BABAM2: variants seen among roughly 807,000 people sequenced by gnomAD.
The protein encoded by BABAM2 is BRISC and BRCA1-A complex member 2.
Under a neutral mutation model 54.7 loss-of-function variants are expected in BABAM2, and 31 were observed. The observed-to-expected ratio is 0.57, with a 90% CI of 0.43 to 0.77. BABAM2 has a LOEUF of 0.77. Ranked by LOEUF, BABAM2 falls within the 30% of genes least tolerant of loss-of-function variation. The probability of loss-of-function intolerance (pLI) is 0.00; values close to 1 mark genes in which losing one functional copy is unlikely to be tolerated. For missense variants in BABAM2, 364 were observed against 455.8 expected (o/e 0.80, Z 1.83); for synonymous variants, 167 against 162.9 (o/e 1.03, Z -0.19).
intron 6 of BABAM2, among the ~76,000 whole-genome samples, chr2:28,087,357 A>G (rs1269288717): frequency 1.3e-5 from 2 of 152,188 alleles, no homozygotes; most frequent in Non-Finnish European, 2.9e-5. Context: ...CTAAGGCAAC[A>G]GAACAAACAG....
chr2:27,936,679 T>G (rs1668507866), intron 3 of BABAM2, among the ~76,000 whole-genome samples: 1 of 152,076 alleles, frequency 6.6e-6, no homozygotes, highest in Admixed American at 6.6e-5. Context: ...ATCATCATTC[T>G]CAGTAAACTA....
chr2:28,246,533 C>T (rs989196129), intron 10 of BABAM2, among the ~76,000 whole-genome samples: 5 of 152,130 alleles, frequency 3.3e-5, no homozygotes, highest in Admixed American at 1.3e-4. Flanking sequence ...ATGGTGGTGA[C>T]GGCCTCGTGC....
chr2:28,084,171 C>T (rs1456166889), intron 6 of BABAM2, among the ~76,000 whole-genome samples: 1 of 152,100 alleles, frequency 6.6e-6, no homozygotes, highest in African/African-American at 2.4e-5. Flanking sequence ...GATTTTTATA[C>T]TTGTACTAAG....
At chr2:28,066,705 G>T (rs1164102880) in intron 6 of BABAM2, among the ~76,000 whole-genome samples, 1 of 152,162 alleles carries the variant, frequency 6.6e-6, no homozygotes, top group East Asian at 1.9e-4. Context: ...TTCTCCAAAG[G>T]CTGCTTGAGT....
At chr2:28,056,088 GGTGGTGGTGA>G (rs879373468) in intron 6 of BABAM2, among the ~76,000 whole-genome samples, 21 of 152,134 alleles carry the variant, frequency 1.4e-4, no homozygotes, top group Admixed American at 5.9e-4. Flanking sequence ...ATGGGTTGGG[GGTGGTGGTGA>G]GTGGTGAATG....
intron 7 of BABAM2, among the ~76,000 whole-genome samples, chr2:28,226,894 TGAGA>T (rs1356918594): frequency 4.6e-5 from 7 of 151,508 alleles, no homozygotes; most frequent in Non-Finnish European, 8.8e-5. Flanking sequence ...CTATGGGGTG[TGAGA>T]GAAAGGAGTC....
rs80092782 is a variant in BABAM2 at position 28,311,653 on chromosome 2, C to G, written c.1088+13162C>G. 7.1e-3 allele frequency among the ~76,000 whole-genome samples: 1,084 copies of G among 152,312 alleles called. 9 individuals carry two copies. Among genetic ancestry groups the G allele is most frequent in the African/African-American group, 0.025 (1,027 of 41,580 alleles). On this transcript the variant is annotated intron_variant, in intron 11 of 11. Coordinates refer to ENST00000379624, the MANE Select transcript of BABAM2 (RefSeq NM_199191.3). ...ATCATGGAAAAGACACGTCACCTTT[C>G]TGGACTTCAGTACCTTCCTCTGAAA... is the stretch of plus-strand genomic sequence containing the variant.
At chr2:28,281,667 G>A (rs941959747) in intron 10 of BABAM2, among the ~76,000 whole-genome samples, 2 of 152,210 alleles carry the variant, frequency 1.3e-5, no homozygotes, top group African/African-American at 4.8e-5. Context: ...TCTCCAGTTA[G>A]TACCAGAACA....
chr2:28,025,616 G>A (rs1302941979), intron 5 of BABAM2, 196 bp downstream of exon 5: 1 of 518,022 alleles, frequency 1.9e-6, no homozygotes, highest in African/African-American at 2.0e-5. Flanking sequence ...TATTACCTGG[G>A]AAGTTTGTAA....
intron 11 of BABAM2, among the ~76,000 whole-genome samples, chr2:28,337,890 G>C (rs1339069244): frequency 6.6e-6 from 1 of 152,222 alleles, no homozygotes; most frequent in African/African-American, 2.4e-5. Flanking sequence ...GGGTGGCTGA[G>C]GCAGTAGGAT....
At chr2:27,918,660 A>T (rs1466388597) in intron 2 of BABAM2, among the ~76,000 whole-genome samples, 1 of 152,130 alleles carries the variant, frequency 6.6e-6, no homozygotes, top group African/African-American at 2.4e-5. Context: ...TCTGCCTTTC[A>T]GATTGCAGAT....
At chr2:27,980,339 G>T (rs1419565547) in intron 3 of BABAM2, among the ~76,000 whole-genome samples, 1 of 152,108 alleles carries the variant, frequency 6.6e-6, no homozygotes, top group East Asian at 1.9e-4. Context: ...TGATGTTATT[G>T]CTCTTCTATA....
intron 6 of BABAM2, among the ~76,000 whole-genome samples, chr2:28,080,394 G>A (rs1055239932): frequency 6.6e-6 from 1 of 152,160 alleles, no homozygotes; most frequent in African/African-American, 2.4e-5. Flanking sequence ...TCAGAGCATT[G>A]AAAAGAGAAG....
In BABAM2 at chr2:27,934,062, A is replaced by G. The variant is rs368606026; in HGVS notation, c.205+4154A>G. Among the ~76,000 whole-genome samples, 18 of 147,162 alleles carry G rather than the reference A, an allele frequency of 1.2e-4. 1 individual carries two copies. Among genetic ancestry groups the G allele is most frequent in the African/African-American group, 4.5e-4 (18 of 40,230 alleles). ...CTCATTTTATTGTGCTTCAACAAGG[A>G]TTTTTTTTTTTCTTTGAAATTGATT... On this transcript the variant is annotated intron_variant, in intron 3 of 11. Coordinates refer to ENST00000379624, the MANE Select transcript of BABAM2 (RefSeq NM_199191.3).
chr2:28,165,895 T>G (rs1215748764), intron 7 of BABAM2, among the ~76,000 whole-genome samples: 1 of 152,146 alleles, frequency 6.6e-6, no homozygotes, highest in Non-Finnish European at 1.5e-5. Flanking sequence ...TGCTCAAAAT[T>G]CATATGTTGA....
chr2:27,901,718 C>G (rs1037228834), intron 2 of BABAM2, among the ~76,000 whole-genome samples: 6 of 152,126 alleles, frequency 3.9e-5, no homozygotes, highest in Admixed American at 2.6e-4. Context: ...ATGGCCATAC[C>G]ACCTTGATTG....
intron 10 of BABAM2, among the ~76,000 whole-genome samples, chr2:28,251,189 G>C (rs1683448193): frequency 6.6e-6 from 1 of 151,390 alleles, no homozygotes; most frequent in Non-Finnish European, 1.5e-5. Context: ...GTTTTCAGTT[G>C]ACATTAAGTA....
chr2:28,045,139 G>A (rs1439587475), intron 5 of BABAM2, among the ~76,000 whole-genome samples: 1 of 152,100 alleles, frequency 6.6e-6, no homozygotes, highest in Non-Finnish European at 1.5e-5. Context: ...CCAAACCTCC[G>A]TACCTCTTTC....
intron 7 of BABAM2, among the ~76,000 whole-genome samples, chr2:28,166,355 A>G (rs541150318): frequency 2.0e-5 from 3 of 152,308 alleles, no homozygotes; most frequent in South Asian, 2.1e-4. Context: ...CTAGGTCATG[A>G]TAATAAGGTT....
Sources: gnomAD v4.1 joint callset for allele counts (sites outside exome capture counted in the v4.1 genomes callset) on GRCh38, gnomAD v4.1.1 for gene constraint, MANE v1.5 for transcripts, NCBI Gene and HGNC (gene_info 2026-07-23, HGNC 2026-07-21) for gene names.